The following SPAG5 variants were observed in gnomAD, a reference collection of about 807,000 sequenced individuals.
The protein encoded by SPAG5 is sperm associated antigen 5, also known as sperm-associated antigen 5.
A neutral mutation model predicts 145.4 loss-of-function variants in SPAG5; 99 were observed. The observed-to-expected ratio is 0.68, with a 90% CI of 0.58 to 0.80. SPAG5 has a LOEUF of 0.80. SPAG5 is among the 30% of genes least tolerant of loss of function. The pLI is 0.00. For missense variants in SPAG5, 1,192 were observed against 1,416.0 expected (o/e 0.84, Z 2.54); for synonymous variants, 477 against 525.4 (o/e 0.91, Z 1.26).
chr17:28,583,577 C>G lies in SPAG5; in HGVS notation c.2619G>C (p.Lys873Asn). 2 of 1,613,944 alleles carry G rather than the reference C, an allele frequency of 1.2e-6. No homozygotes were observed. The change falls in exon 15 of 24, where the codon AAG (lysine) becomes AAC (asparagine). Residue 873 changes from lysine (K) to asparagine (N), a missense_variant. Lys to Asn is a moderately conservative substitution (Grantham distance 94, BLOSUM62 0). Around this residue, in one of 5 missense-constraint regions of SPAG5, gnomAD observed 709 missense variants for 840.7 expected, o/e 0.84. Coordinates refer to ENST00000321765, the MANE Select transcript of SPAG5 (RefSeq NM_006461.4). ...DLEKTRQYSQ[K>N]LGLLTEQLQS... Reference sequence around the variant, plus strand: ...GTAGTTGCTCAGTCAGCAGCCCTAGCTTTTGAGAGTACTGCCGTGTTTTCT... The same window carrying G: ...GTAGTTGCTCAGTCAGCAGCCCTAGGTTTTGAGAGTACTGCCGTGTTTTCT...
intron 5 of SPAG5, 75 bp from the exon 6 acceptor site, chr17:28,586,257 C>T: frequency 1.5e-6 from 2 of 1,337,256 alleles, no homozygotes; most frequent in Non-Finnish European, 2.1e-6. Flanking sequence ...GGGAGGAAAA[C>T]CGCTAACCCC....
In SPAG5 at chr17:28,585,656, A is replaced by G; in HGVS notation, c.1741-3T>C. On this transcript the variant is annotated splice_polypyrimidine_tract_variant and splice_region_variant and intron_variant, in intron 7 of 23. Transcript: ENST00000321765. ...AAAGCCTCCAACACTATCTCTGCCT[A>G]TTGAGGGAAGTGGTTGCAAGGCCAC... The G allele has an allele frequency of 3.1e-6, 5 of 1,613,498 alleles. No homozygotes were observed. The highest frequency in any genetic ancestry group is 1.7e-5 in the Admixed American group (1 of 60,020).
At position 28,592,786 on chromosome 17, in the gene SPAG5, G is replaced by A. The variant is rs772262295; in HGVS notation, c.458C>T (p.Ala153Val). 2.5e-6 allele frequency: 4 copies of A among 1,614,168 alleles called. No individual in the cohort carries two copies. Among genetic ancestry groups the A allele is most frequent in the Non-Finnish European group, 3.4e-6 (4 of 1,180,032 alleles). ...MIFEARLDTM[A>V]ETNSISLNGP... is the part of the protein sequence containing the mutation. ...ATTTAAAGATATGCTGTTTGTCTCT[G>A]CCATGGTATCTAAACGGGCCTCAAA... The change falls in exon 3 of 24, where the codon GCA becomes GTA. Residue 153 changes from alanine (A) to valine (V), a missense_variant. Physicochemically the swap from Ala to Val is moderately conservative, Grantham distance 64 (BLOSUM62 0). This residue lies in a region of SPAG5 where 329 missense variants were observed against 354.0 expected (regional missense o/e 0.93). Coordinates refer to ENST00000321765, the MANE Select transcript of SPAG5 (RefSeq NM_006461.4).
At chr17:28,588,977 G>T (rs1302256598) in intron 4 of SPAG5, among the ~76,000 whole-genome samples, 1 of 151,476 alleles carries the variant, frequency 6.6e-6, no homozygotes, top group Non-Finnish European at 1.5e-5. Context: ...CCACCACATT[G>T]GGCCAACAGT....
rs2070629381 is a variant in SPAG5 at position 28,592,578 on chromosome 17, G to A, written c.666C>T (p.Ser222=). 6.2e-7 allele frequency: 1 copy of A among 1,614,198 alleles called. No individual in the cohort carries two copies. ...EQLHCSKESL[S]SRTEAVREDL... ...CCTCACGCACAGCCTCAGTTCTACT[G>A]CTCAGGCTTTCCTTGGAGCAATGTA... The change falls in exon 3 of 24, where the codon AGC becomes AGT. Residue 222 remains serine, a synonymous_variant. Coordinates refer to ENST00000321765, the MANE Select transcript of SPAG5 (RefSeq NM_006461.4).
chr17:28,597,260 T>C (rs2070672143), intron 2 of SPAG5, among the ~76,000 whole-genome samples: 1 of 151,906 alleles, frequency 6.6e-6, no homozygotes, highest in Non-Finnish European at 1.5e-5. Flanking sequence ...CTACTAAAAA[T>C]ACAAAAAATT....
At chr17:28,583,436 A>C in intron 15 of SPAG5, 75 bp downstream of exon 15, 1 of 1,445,832 alleles carries the variant, frequency 6.9e-7, no homozygotes, top group Non-Finnish European at 9.3e-7. Context: ...TTAGAAAAAG[A>C]GTAATGTTTT....
In SPAG5 at chr17:28,587,185, A is replaced by G. The variant is rs150267060; in HGVS notation, c.1438-686T>C. Reference sequence around the variant, plus strand: ...TCCCAGCACCTTCAGAGGCTGAGGCAGGAGGATCACTTGGGTCCGGGAGTT... The same window carrying G: ...TCCCAGCACCTTCAGAGGCTGAGGCGGGAGGATCACTTGGGTCCGGGAGTT... On this transcript the variant is annotated intron_variant, in intron 4 of 23. Coordinates refer to ENST00000321765, the MANE Select transcript of SPAG5 (RefSeq NM_006461.4). 9.7e-4 allele frequency among the ~76,000 whole-genome samples: 147 copies of G among 151,246 alleles called. 1 individual carries two copies. The East Asian group carries it at 0.024, about 24-fold the overall frequency.
chr17:28,583,364 G>T, intron 15 of SPAG5, 147 bp downstream of exon 15: 1 of 799,058 alleles, frequency 1.3e-6, no homozygotes, highest in South Asian at 2.4e-5. Flanking sequence ...GACAGGGGAA[G>T]AAAGGTTTGA....
In SPAG5 at chr17:28,579,415, G is replaced by A. The variant is rs769279437; in HGVS notation, c.2955C>T (p.Ser985=). ...CTTCTTCTTTAGACTCTTGTAGCAG[G>A]GAACAAAGACTCTGAAGCTCAGTAG... The part of the protein sequence containing the change: ...IMTTELQSLC[S]LLQESKEEAI... Residue 985 remains serine, a synonymous_variant, in exon 18 of 24, where the codon TCC becomes TCT. Transcript: ENST00000321765. 6.8e-6 allele frequency: 11 copies of A among 1,613,958 alleles called. 1 individual carries two copies. In the Admixed American group the frequency reaches 1.5e-4, roughly 22 times the overall value.
rs769979245 is a variant in SPAG5 at position 28,577,698 on chromosome 17, C to T, written c.*1G>A. 3.1e-6 allele frequency: 5 copies of T among 1,611,720 alleles called. No individual in the cohort carries two copies. The highest frequency in any genetic ancestry group is 4.2e-6 in the Non-Finnish European group (5 of 1,177,758). On this transcript the variant is annotated 3_prime_UTR_variant, in exon 24 of 24. Transcript: ENST00000321765. ...TGAAGCAGATTCTGGCTTTCAGTTTCTTAGCTCAGAAATTCCAGCAATCCC... is the reference window on the plus strand; with the variant it reads ...TGAAGCAGATTCTGGCTTTCAGTTTTTTAGCTCAGAAATTCCAGCAATCCC...
chr17:28,591,710 T>C lies in SPAG5; in HGVS notation c.1425A>G (p.Thr475=). The C allele has an allele frequency of 6.2e-7, 1 of 1,607,816 alleles. No homozygotes were observed. Among genetic ancestry groups the C allele is most frequent in the Non-Finnish European group, 8.5e-7 (1 of 1,175,650 alleles). ...GGAACCTTCTTACCCCACTGTGAGA[T>C]GTGTCAGTCTGTGTGCTACTGTCCT... ...ETQDSSTQTD[T]SHSGITNKLQ... Residue 475 remains threonine, a synonymous_variant, in exon 4 of 24, where the codon ACA becomes ACG. Coordinates refer to ENST00000321765, the MANE Select transcript of SPAG5 (RefSeq NM_006461.4).
At position 28,586,173 on chromosome 17, in the gene SPAG5, C is replaced by T; in HGVS notation, c.1522G>A (p.Val508Met). ...QQARNVMQSW[V>M]LISKELISLL... The stretch of plus-strand genomic sequence containing the variant: ...GATATCAGCTCTTTAGAGATAAGCA[C>T]CCATGATTGCTGTAGAGAAAAAAAT... Residue 508 changes from valine to methionine, a missense_variant, in exon 6 of 24, where the codon GTG becomes ATG. Coordinates refer to ENST00000321765, the MANE Select transcript of SPAG5 (RefSeq NM_006461.4). 1 of 1,613,550 alleles carries T rather than the reference C, an allele frequency of 6.2e-7. No homozygotes were observed. Among genetic ancestry groups the T allele is most frequent in the Non-Finnish European group, 8.5e-7 (1 of 1,179,512 alleles).
chr17:28,581,033 T>C (rs1363385132), intron 15 of SPAG5, among the ~76,000 whole-genome samples: 1 of 152,206 alleles, frequency 6.6e-6, no homozygotes, highest in Non-Finnish European at 1.5e-5. Flanking sequence ...CTGTTCCTAC[T>C]CCTGTATTTA....
chr17:28,577,702 G>C lies in SPAG5; in HGVS notation c.3579C>G (p.Ser1193Arg). The change falls in exon 24 of 24, where the codon AGC becomes AGG. Residue 1193 changes from serine (S) to arginine (R), a missense_variant. Transcript: ENST00000321765. ...GCAGATTCTGGCTTTCAGTTTCTTA[G>C]CTCAGAAATTCCAGCAATCCCTGTA... ...KELQGLLEFL[S>R] 1 of 1,611,712 alleles carries C rather than the reference G, an allele frequency of 6.2e-7. No homozygotes were observed. The highest frequency in any genetic ancestry group is 8.5e-7 in the Non-Finnish European group (1 of 1,177,790).
At chr17:28,586,531 T>C in intron 4 of SPAG5, 32 bp from the exon 5 acceptor site, 2 of 1,524,150 alleles carry the variant, frequency 1.3e-6, no homozygotes, top group Non-Finnish European at 1.8e-6. Flanking sequence ...TTCCTTGTTT[T>C]GTTTGTTTGT....
chr17:28,579,655 G>A, intron 17 of SPAG5, 96 bp downstream of exon 17: 1 of 1,406,090 alleles, frequency 7.1e-7, no homozygotes, highest in Non-Finnish European at 1.0e-6. Context: ...GTAGAATTGA[G>A]GTTTTTAGAG....
chr17:28,587,256 A>G (rs1399488085), intron 4 of SPAG5, among the ~76,000 whole-genome samples: 4 of 151,164 alleles, frequency 2.6e-5, no homozygotes, highest in Admixed American at 2.6e-4. Flanking sequence ...TCTAAAAAAA[A>G]AAAAAAAAGG....
chr17:28,585,672 G>GC lies in SPAG5; in HGVS notation c.1741-20dup, dbSNP rs2070579973. 1.2e-6 allele frequency: 2 copies of GC among 1,613,058 alleles called. No homozygotes were observed. Among genetic ancestry groups the GC allele is most frequent in the South Asian group, 1.1e-5 (1 of 91,022 alleles). ...TCTCTGCCTATTGAGGGAAGTGGTT[G>GC]CAAGGCCACAGTGGGCAACAGGGGA... On this transcript the variant is annotated intron_variant, in intron 7 of 23. Coordinates refer to ENST00000321765, the MANE Select transcript of SPAG5 (RefSeq NM_006461.4).
Sources: allele counts gnomAD v4.1 joint callset (sites outside exome capture counted in the v4.1 genomes callset), GRCh38; gene constraint gnomAD v4.1.1; regional missense constraint gnomAD v4.1.1; transcripts MANE v1.5; gene names NCBI Gene and HGNC (gene_info 2026-07-23, HGNC 2026-07-21).